CNIH3: variants seen among roughly 807,000 people sequenced by gnomAD.
CNIH3 encodes protein cornichon homolog 3.
CNIH3 carries 14 observed loss-of-function variants against 24.1 expected under a neutral mutation model. The ratio of observed to expected loss-of-function variants is 0.58; its 90% CI spans 0.38 to 0.91. The LOEUF is 0.91. Among genes scored for constraint, CNIH3 ranks in the 40% least tolerant of loss-of-function variants. The pLI is 0.00. For synonymous variants in CNIH3, 68 were observed against 73.8 expected (o/e 0.92, Z 0.40); for missense variants, 178 against 196.8 (o/e 0.90, Z 0.57).
At chr1:224,728,756 A>C (rs966207734) in intron 3 of CNIH3, among the ~76,000 whole-genome samples, 3 of 152,214 alleles carry the variant, frequency 2.0e-5, no homozygotes, top group Non-Finnish European at 4.4e-5. Flanking sequence ...CACCCAAAGA[A>C]ATCTTAGTTT....
intron 3 of CNIH3, among the ~76,000 whole-genome samples, chr1:224,610,193 G>T (rs911029788): frequency 2.6e-5 from 4 of 152,118 alleles, no homozygotes; most frequent in Admixed American, 2.0e-4. Flanking sequence ...TGTGTGATAG[G>T]TTCGATGTAT....
intron 1 of CNIH3, among the ~76,000 whole-genome samples, chr1:224,477,057 T>G (rs1242408478): frequency 6.6e-6 from 1 of 152,188 alleles, no homozygotes; most frequent in African/African-American, 2.4e-5. Context: ...AGTTTATTTC[T>G]AAGCAGCTGG....
chr1:224,497,837 A>T (rs558471307), intron 1 of CNIH3, among the ~76,000 whole-genome samples: 1 of 152,312 alleles, frequency 6.6e-6, no homozygotes, highest in African/African-American at 2.4e-5. Context: ...TGACACTTGC[A>T]TCTCTTTCCT....
rs142997026 is a variant in CNIH3, at chr1:224,683,815, C to T, written c.151-981C>T. 3.9e-5 allele frequency among the ~76,000 whole-genome samples: 6 copies of T among 152,316 alleles called. No homozygotes were observed. The East Asian group carries it at 7.7e-4, about 20-fold the overall frequency. ...GTGCGTGTCTTGTAGCATTCCCTTT[C>T]GTGCGTGTGTGCACATAAGTATGTG... is the stretch of plus-strand genomic sequence containing the variant. On this transcript the variant is annotated intron_variant, in intron 2 of 5. Transcript: ENST00000272133.
At chr1:224,465,167 T>G (rs966976083) in intron 1 of CNIH3, among the ~76,000 whole-genome samples, 1 of 151,766 alleles carries the variant, frequency 6.6e-6, no homozygotes, top group Non-Finnish European at 1.5e-5. Flanking sequence ...TGGAGTGCAA[T>G]GGCACAATCT....
intron 3 of CNIH3, among the ~76,000 whole-genome samples, chr1:224,725,840 C>T (rs1406974634): frequency 1.3e-5 from 2 of 152,174 alleles, no homozygotes; most frequent in Non-Finnish European, 2.9e-5. Flanking sequence ...TACTTCTTTT[C>T]CTTTAGGGGT....
chr1:224,713,182 G>C (rs898155346), intron 3 of CNIH3, among the ~76,000 whole-genome samples: 1 of 152,194 alleles, frequency 6.6e-6, no homozygotes, highest in Non-Finnish European at 1.5e-5. Flanking sequence ...CAGGAGACCC[G>C]TTGCAGTCCA....
intron 1 of CNIH3, among the ~76,000 whole-genome samples, chr1:224,439,166 A>T (rs1674787251): frequency 1.3e-5 from 2 of 152,202 alleles, no homozygotes; most frequent in South Asian, 4.1e-4. Flanking sequence ...ATGTCTCTCC[A>T]GCGCTTGCTT....
intron 4 of CNIH3, among the ~76,000 whole-genome samples, chr1:224,577,677 T>C (rs1681094665): frequency 6.6e-6 from 1 of 152,150 alleles, no homozygotes; most frequent in Non-Finnish European, 1.5e-5. Context: ...ACTGAAAGTA[T>C]TGTAGAACTA....
intron 2 of CNIH3, among the ~76,000 whole-genome samples, chr1:224,542,939 G>A (rs943731713): frequency 1.3e-5 from 2 of 152,178 alleles, no homozygotes; most frequent in African/African-American, 4.8e-5. Context: ...GTTATCCATG[G>A]TGGGTCCTGA....
intron 1 of CNIH3, among the ~76,000 whole-genome samples, chr1:224,507,929 G>A (rs148759497): frequency 6.6e-6 from 1 of 152,312 alleles, no homozygotes; most frequent in African/African-American, 2.4e-5. Context: ...GAGGGCAAGG[G>A]GTTAAGCATT....
chr1:224,516,299 C>T (rs1435895039), intron 1 of CNIH3, among the ~76,000 whole-genome samples: 4 of 131,764 alleles, frequency 3.0e-5, no homozygotes, highest in East Asian at 2.1e-4. Context: ...GGCGACAAAC[C>T]GAGACTCTGT....
At position 224,690,367 on chromosome 1, in the gene CNIH3, AT is replaced by A. The variant is rs564124469; in HGVS notation, c.198+5529del. The stretch of plus-strand genomic sequence containing the variant: ...AGGCATGCACCACCATGCCTGGCTA[AT>A]TTTTGTATTTTTAGTAGAGATGAGG... On this transcript the variant is annotated intron_variant, in intron 3 of 5. Transcript: ENST00000272133. Among the ~76,000 whole-genome samples, 15 of 152,076 alleles carry A rather than the reference AT, an allele frequency of 9.9e-5. No homozygotes were observed. The South Asian group carries it at 3.1e-3, about 32-fold the overall frequency.
At chr1:224,648,014 G>A (rs1684695288) in intron 1 of CNIH3, among the ~76,000 whole-genome samples, 1 of 152,322 alleles carries the variant, frequency 6.6e-6, no homozygotes, top group Admixed American at 6.5e-5. Context: ...GCATGTTGAG[G>A]TTCTGGAGGA....
intron 1 of CNIH3, among the ~76,000 whole-genome samples, chr1:224,625,771 C>T (rs1274138038): frequency 3.9e-5 from 6 of 152,120 alleles, no homozygotes; most frequent in Admixed American, 3.3e-4. Context: ...CGAGCTGTGA[C>T]AGGAAAGGGC....
At chr1:224,718,811 A>C (rs1558330464) in intron 3 of CNIH3, 2 of 152,220 alleles carry the variant, frequency 1.3e-5, no homozygotes, top group African/African-American at 4.8e-5. Flanking sequence ...AGACTCAGAG[A>C]TGGCCCCAGG....
intron 1 of CNIH3, among the ~76,000 whole-genome samples, chr1:224,438,954 C>T (rs1347370236): frequency 6.6e-6 from 1 of 152,142 alleles, no homozygotes; most frequent in Non-Finnish European, 1.5e-5. Flanking sequence ...TTTGAGGCAG[C>T]TAAATGCAGA....
intron 3 of CNIH3, among the ~76,000 whole-genome samples, chr1:224,702,976 A>G (rs1687583745): frequency 6.6e-6 from 1 of 152,030 alleles, no homozygotes; most frequent in South Asian, 2.1e-4. Flanking sequence ...CTAGCTTTTA[A>G]TTTCCATGTC....
intron 1 of CNIH3, among the ~76,000 whole-genome samples, chr1:224,452,193 A>G (rs1466539024): frequency 6.9e-6 from 1 of 145,602 alleles, no homozygotes; most frequent in African/African-American, 2.5e-5. Context: ...TCTGTTGCCT[A>G]GGCTGGTGTG....
Sources: gnomAD v4.1 joint callset for allele counts (sites outside exome capture counted in the v4.1 genomes callset) on GRCh38, gnomAD v4.1.1 for gene constraint, MANE v1.5 for transcripts, NCBI Gene and HGNC (gene_info 2026-07-23, HGNC 2026-07-21) for gene names.